Variants in FAM200B observed in about 807,000 individuals in gnomAD.
FAM200B encodes the protein protein FAM200B.
FAM200B carries 32 observed loss-of-function variants against 33.1 expected under a neutral mutation model. That is an observed-to-expected ratio of 0.97 (90% CI 0.73 to 1.30). FAM200B has a LOEUF of 1.30. Among genes scored for constraint, FAM200B ranks in the 50% most tolerant of loss-of-function variants. The pLI, the probability that FAM200B is intolerant of heterozygous loss-of-function variation, is 0.00. For missense variants in FAM200B, 741 were observed against 754.0 expected (o/e 0.98, Z 0.20); for synonymous variants, 240 against 264.8 (o/e 0.91, Z 0.91).
At chr4:15,638,811 T>TA in the FAM200B span, 1 of 626,278 alleles carries the variant, frequency 1.6e-6, no homozygotes, top group Admixed American at 3.8e-5. Context: ...CTCAAAAAGA[T>TA]AAAAATTTTA....
At chr4:15,661,215 C>T in the FAM200B span, among the ~76,000 whole-genome samples, 1 of 152,134 alleles carries the variant, frequency 6.6e-6, no homozygotes, top group African/African-American at 2.4e-5. Flanking sequence ...GGTGTTTCCC[C>T]TGTGTGCAAG....
At chr4:15,655,704 T>C in the FAM200B span, among the ~76,000 whole-genome samples, 1 of 152,154 alleles carries the variant, frequency 6.6e-6, no homozygotes, top group Non-Finnish European at 1.5e-5. Context: ...CCAAGCACAA[T>C]GGCCGCGGTC....
intron 1 of FAM200B, among the ~76,000 whole-genome samples, chr4:15,685,875 A>G (rs778480085): frequency 5.3e-5 from 8 of 152,224 alleles, no homozygotes; most frequent in Non-Finnish European, 1.0e-4. Context: ...CCAAGAGAGC[A>G]GTGCAGCACT....
the FAM200B span, among the ~76,000 whole-genome samples, chr4:15,642,782 C>G: frequency 6.6e-6 from 1 of 152,142 alleles, no homozygotes; most frequent in Non-Finnish European, 1.5e-5. Context: ...TCTTTACCAC[C>G]TCCTATTCAT....
At chr4:15,637,377 AAAAATG>A in the FAM200B span, among the ~76,000 whole-genome samples, 1 of 152,248 alleles carries the variant, frequency 6.6e-6, no homozygotes, top group African/African-American at 2.4e-5. Flanking sequence ...TTTCCAAAAT[AAAAATG>A]AAAATGAAGT....
upstream of FAM200B, among the ~76,000 whole-genome samples, chr4:15,680,894 AT>A (rs1286335291): frequency 6.0e-5 from 9 of 149,382 alleles, no homozygotes; most frequent in African/African-American, 1.5e-4. Flanking sequence ...ACCCAAAAAA[AT>A]AAAGCAGTAT....
chr4:15,686,947 T>A lies in FAM200B; in HGVS notation c.-31T>A, dbSNP rs1718904354. On this transcript the variant is annotated 5_prime_UTR_variant, in exon 2 of 2. Transcript: ENST00000422728. ...TTTGAGTTAGTGCCAATTATAACATTTTAATCAAACTGGAACAAATTGCTA... is the reference window on the plus strand; with the variant it reads ...TTTGAGTTAGTGCCAATTATAACATATTAATCAAACTGGAACAAATTGCTA... 8.5e-7 allele frequency: 1 copy of A among 1,175,796 alleles called. No individual in the cohort carries two copies. The highest frequency in any genetic ancestry group is 1.6e-5 in the African/African-American group (1 of 63,816). The allele number at this position is 1,175,796 out of a possible 1,614,324, so 72.8% of individuals were successfully genotyped here. A position where few individuals can be genotyped will look rare whatever the true frequency, so the allele number is the denominator to read the frequency against.
the FAM200B span, chr4:15,638,588 A>C: frequency 6.2e-7 from 1 of 1,613,516 alleles, no homozygotes; most frequent in Non-Finnish European, 8.5e-7. Flanking sequence ...AAGACCTCTA[A>C]GGAGTTCTGC....
chr4:15,679,562 C>CAAAAAAAAAAAAAAAA (rs1202369624), upstream of FAM200B, among the ~76,000 whole-genome samples: 2 of 94,354 alleles, frequency 2.1e-5, no homozygotes, highest in Non-Finnish European at 2.3e-5. Context: ...AGTTCAGGAA[C>CAAAAAAAAAAAAAAAA]AAAAAAAAAA....
the FAM200B span, among the ~76,000 whole-genome samples, chr4:15,640,392 T>TG: frequency 5.2e-5 from 1 of 19,246 alleles, no homozygotes; most frequent in African/African-American, 1.7e-4. Context: ...ACTACACTAC[T>TG]GAAAAAAAAA....
the FAM200B span, chr4:15,655,147 G>C: frequency 7.7e-7 from 1 of 1,298,212 alleles, no homozygotes; most frequent in African/African-American, 1.7e-5. Context: ...CAAGAACCCA[G>C]CCCGCTCCCC....
chr4:15,685,814 A>G (rs1272704636), intron 1 of FAM200B, among the ~76,000 whole-genome samples: 1 of 152,196 alleles, frequency 6.6e-6, no homozygotes. Flanking sequence ...AAGGTGTGTA[A>G]GGAAGGGTTG....
chr4:15,671,451 G>GT, the FAM200B span, among the ~76,000 whole-genome samples: 2 of 151,056 alleles, frequency 1.3e-5, no homozygotes, highest in East Asian at 4.0e-4. Context: ...TTGGGTTTTT[G>GT]TTTAAGAGAC....
the FAM200B span, among the ~76,000 whole-genome samples, chr4:15,648,479 C>A: frequency 6.6e-6 from 1 of 152,110 alleles, no homozygotes; most frequent in South Asian, 2.1e-4. Flanking sequence ...ATGGAGCCAA[C>A]CTGAGTGCTT....
the FAM200B span, among the ~76,000 whole-genome samples, chr4:15,658,083 C>T: frequency 1.3e-5 from 2 of 152,292 alleles, no homozygotes; most frequent in African/African-American, 4.8e-5. Flanking sequence ...CAATAGGCCT[C>T]TTCTATAGTA....
chr4:15,674,882 C>T, the FAM200B span, among the ~76,000 whole-genome samples: 1 of 152,308 alleles, frequency 6.6e-6, no homozygotes, highest in Non-Finnish European at 1.5e-5. Context: ...ATCTCCTGAC[C>T]TTGTGATCCG....
At chr4:15,655,314 C>A in the FAM200B span, 1 of 1,366,220 alleles carries the variant, frequency 7.3e-7, no homozygotes, top group South Asian at 1.4e-5. Context: ...TCCGCCTCAG[C>A]AGCCGCGGCC....
chr4:15,640,597 A>C, the FAM200B span, among the ~76,000 whole-genome samples: 1 of 152,092 alleles, frequency 6.6e-6, no homozygotes, highest in Non-Finnish European at 1.5e-5. Context: ...ATGAAAAGCA[A>C]CAACCTTTCT....
rs768297853 is a variant in FAM200B at position 15,688,429 on chromosome 4, T to G, written c.1452T>G (p.Phe484Leu). The change falls in exon 2 of 2, where the codon TTT (phenylalanine) becomes TTG (leucine). Residue 484 changes from phenylalanine to leucine, a missense_variant. Transcript: ENST00000422728. ...GTAATCGTCCTAGCTATTACATGTT[T>G]CCAAGATTTTTGCAGCATATTGAAG... is the stretch of plus-strand genomic sequence containing the variant. ...LKSNRPSYYM[F>L]PRFLQHIEEN... The G allele has an allele frequency of 1.5e-5, 23 of 1,545,280 alleles. No homozygotes were observed. In the African/African-American group the frequency reaches 2.3e-4, roughly 16 times the overall value.
Sources: allele counts gnomAD v4.1 joint callset (sites outside exome capture counted in the v4.1 genomes callset), GRCh38; gene constraint gnomAD v4.1.1; transcripts MANE v1.5; gene names NCBI Gene and HGNC (gene_info 2026-07-23, HGNC 2026-07-21).